PCDH15: variants seen among roughly 807,000 people sequenced by gnomAD.
PCDH15 encodes protocadherin related 15, also known as protocadherin-15.
PCDH15 carries 129 observed loss-of-function variants against 178.5 expected under a neutral mutation model. The ratio of observed to expected loss-of-function variants is 0.72; its 90% CI spans 0.63 to 0.84. The LOEUF (loss-of-function observed/expected upper bound fraction) is 0.84. PCDH15 is among the 40% of genes least tolerant of loss of function. The pLI is 0.00. For synonymous variants in PCDH15, 800 were observed against 732.0 expected, an observed-to-expected ratio of 1.09 and a Z score of -1.50; for missense variants, 2,230 against 2,099.9, an observed-to-expected ratio of 1.06 and a Z score of -1.21.
rs2094635327 is a variant in PCDH15, at chr10:54,093,382, A to G, written c.1918-3319T>C. ...AGGAAGTATTTATAGTTTTTCAGCC[A>G]AGAAAGCAAAAGGAAATGGTGTAAT... On this transcript the variant is annotated intron_variant, in intron 15 of 37. Coordinates refer to ENST00000644397, the MANE Select transcript of PCDH15 (RefSeq NM_001384140.1). 2.6e-5 allele frequency among the ~76,000 whole-genome samples: 4 copies of G among 152,198 alleles called. No homozygotes were observed. The South Asian group carries it at 8.3e-4, about 31-fold the overall frequency.
At chr10:54,446,168 A>G (rs1455957103) in intron 3 of PCDH15, among the ~76,000 whole-genome samples, 1 of 151,638 alleles carries the variant, frequency 6.6e-6, no homozygotes, top group African/African-American at 2.4e-5. Context: ...TAGAGTTGCA[A>G]TGATACTTCA....
intron 18 of PCDH15, among the ~76,000 whole-genome samples, chr10:54,025,349 A>G (rs1286659022): frequency 6.6e-6 from 1 of 152,152 alleles, no homozygotes; most frequent in Non-Finnish European, 1.5e-5. Context: ...CTAAGGAGAA[A>G]CAACTTCTTT....
At chr10:54,141,096 A>C (rs2043366375) in intron 14 of PCDH15, among the ~76,000 whole-genome samples, 1 of 151,142 alleles carries the variant, frequency 6.6e-6, no homozygotes, top group African/African-American at 2.4e-5. Flanking sequence ...ATATATGTAT[A>C]TATATTTGTA....
chr10:54,722,110 G>GA (rs1269292270), intron 1 of PCDH15, among the ~76,000 whole-genome samples: 1 of 151,514 alleles, frequency 6.6e-6, no homozygotes, highest in Non-Finnish European at 1.5e-5. Context: ...AACTAAAATA[G>GA]AAAAAACATA....
Position 54,440,228 on chromosome 10 carries a change from A to T in PCDH15, c.158-61286T>A, listed in dbSNP as rs574461087. 1.6e-3 allele frequency among the ~76,000 whole-genome samples: 237 copies of T among 152,138 alleles called. 4 individuals carry two copies. Among genetic ancestry groups the T allele is most frequent in the Non-Finnish European group, 1.5e-3 (101 of 67,948 alleles). ...ACGGAGGTTTGTTATCCCAGTAATA[A>T]GTAAAAGGAACATGAAAGCCCTTGT... On this transcript the variant is annotated intron_variant, in intron 3 of 37. Coordinates refer to ENST00000644397, the MANE Select transcript of PCDH15 (RefSeq NM_001384140.1).
chr10:54,341,331 C>T (rs945512086), intron 6 of PCDH15, among the ~76,000 whole-genome samples: 8 of 152,100 alleles, frequency 5.3e-5, no homozygotes, highest in South Asian at 2.1e-4. Flanking sequence ...TGAGTTCTCA[C>T]GAGATCTGAT....
intron 2 of PCDH15, among the ~76,000 whole-genome samples, chr10:55,158,734 A>G (rs546251658): frequency 3.9e-5 from 6 of 152,040 alleles, no homozygotes; most frequent in African/African-American, 1.4e-4. Context: ...AAAGAAAAAA[A>G]CAAACTGAGT....
chr10:54,589,290 A>G (rs905248612), intron 2 of PCDH15, among the ~76,000 whole-genome samples: 1 of 152,074 alleles, frequency 6.6e-6, no homozygotes, highest in Admixed American at 6.6e-5. Flanking sequence ...TGAGACCTTA[A>G]TATTTCTGTT....
In PCDH15 at chr10:53,942,168, C is replaced by A. The variant is rs185984652; in HGVS notation, c.3123-1193G>T. ...CTAATGGTGGTCCATATATTCATTGCATGAGCAATAACTGCTTCTTGCTGA... is the reference window on the plus strand; with the variant it reads ...CTAATGGTGGTCCATATATTCATTGAATGAGCAATAACTGCTTCTTGCTGA... On this transcript the variant is annotated intron_variant, in intron 23 of 37. Transcript: ENST00000644397. Among the ~76,000 whole-genome samples, 387 of 152,304 alleles carry A rather than the reference C, an allele frequency of 2.5e-3. 2 individuals are homozygous for A. The highest frequency in any genetic ancestry group is 8.6e-3 in the African/African-American group (359 of 41,572).
intron 2 of PCDH15, among the ~76,000 whole-genome samples, chr10:55,138,202 AG>A (rs1266512971): frequency 6.6e-6 from 1 of 152,200 alleles, no homozygotes; most frequent in Non-Finnish European, 1.5e-5. Flanking sequence ...ACACATTTTT[AG>A]TATAAGTACG....
intron 27 of PCDH15, among the ~76,000 whole-genome samples, chr10:53,863,183 T>C (rs778909658): frequency 2.5e-4 from 38 of 152,204 alleles, no homozygotes; most frequent in Non-Finnish European, 5.1e-4. Context: ...GCTTTTACTA[T>C]GTAGATGATA....
At chr10:54,620,690 A>C (rs1258902251) in intron 2 of PCDH15, among the ~76,000 whole-genome samples, 1 of 152,048 alleles carries the variant, frequency 6.6e-6, no homozygotes, top group Admixed American at 6.6e-5. Flanking sequence ...CAATCATAAT[A>C]GTCTAACTTT....
chr10:54,271,607 C>T (rs954452370), intron 8 of PCDH15, among the ~76,000 whole-genome samples: 1 of 152,108 alleles, frequency 6.6e-6, no homozygotes, highest in African/African-American at 2.4e-5. Flanking sequence ...ATTTTGTTTT[C>T]ATTCAGGTTG....
intron 2 of PCDH15, among the ~76,000 whole-genome samples, chr10:55,103,860 C>G (rs993946690): frequency 3.9e-5 from 6 of 152,078 alleles, no homozygotes; most frequent in Admixed American, 6.6e-5. Flanking sequence ...ATCAAAAGAA[C>G]TTTAAAAGAC....
chr10:54,681,460 GGAGT>G (rs1320986174), intron 1 of PCDH15, among the ~76,000 whole-genome samples: 1 of 147,976 alleles, frequency 6.8e-6, no homozygotes, highest in Non-Finnish European at 1.5e-5. Flanking sequence ...GAGATAAGAA[GGAGT>G]GAGAGGGAAT....
At chr10:55,495,679 T>G (rs1840517218) in intron 2 of PCDH15, among the ~76,000 whole-genome samples, 1 of 151,834 alleles carries the variant, frequency 6.6e-6, no homozygotes, top group Admixed American at 6.6e-5. Flanking sequence ...AAGAAACAAA[T>G]TTTTCACTTT....
At chr10:53,925,735 T>C (rs565718333) in intron 25 of PCDH15, among the ~76,000 whole-genome samples, 1 of 152,344 alleles carries the variant, frequency 6.6e-6, no homozygotes, top group East Asian at 1.9e-4. Context: ...CCCTGGTTTC[T>C]AGTCTTGAGC....
At chr10:55,548,758 A>C (rs1841943325) in intron 2 of PCDH15, among the ~76,000 whole-genome samples, 1 of 152,128 alleles carries the variant, frequency 6.6e-6, no homozygotes, top group African/African-American at 2.4e-5. Context: ...GATAAAATGT[A>C]CCATGGGAAG....
intron 20 of PCDH15, among the ~76,000 whole-genome samples, chr10:54,017,171 G>T (rs1345060580): frequency 6.6e-6 from 1 of 151,958 alleles, no homozygotes; most frequent in Non-Finnish European, 1.5e-5. Context: ...TTACAGTTGT[G>T]TGCCACCATG....
Sources: allele counts gnomAD v4.1 joint callset (sites outside exome capture counted in the v4.1 genomes callset), GRCh38; gene constraint gnomAD v4.1.1; transcripts MANE v1.5; gene names NCBI Gene and HGNC (gene_info 2026-07-23, HGNC 2026-07-21).